Variants in SSH2 observed in about 807,000 individuals in gnomAD.
SSH2 encodes the protein protein phosphatase Slingshot homolog 2.
In SSH2, 37 loss-of-function variants were observed where a neutral mutation model predicts 135.2. The observed-to-expected ratio is 0.27, with a 90% CI of 0.21 to 0.36. The LOEUF is 0.36. Among genes scored for constraint, SSH2 ranks in the 10% least tolerant of loss-of-function variants. The pLI, the probability that SSH2 is intolerant of heterozygous loss-of-function variation, is 1.00. For missense variants in SSH2, 1,408 were observed against 1,765.3 expected (o/e 0.80, Z 3.63); for synonymous variants, 628 against 646.2 (o/e 0.97, Z 0.43).
chr17:29,713,539 G>A (rs141059639), intron 3 of SSH2, among the ~76,000 whole-genome samples: 1 of 152,180 alleles, frequency 6.6e-6, no homozygotes, highest in Admixed American at 6.5e-5. Context: ...AGGGCCTTTA[G>A]GGAGTCTAAG....
At chr17:29,750,964 T>C (rs1306956216) in intron 3 of SSH2, among the ~76,000 whole-genome samples, 1 of 152,112 alleles carries the variant, frequency 6.6e-6, no homozygotes, top group South Asian at 2.1e-4. Flanking sequence ...ATCAAGATCA[T>C]TGTTTTCCAT....
chr17:29,718,422 A>G (rs2039701386), intron 3 of SSH2, among the ~76,000 whole-genome samples: 1 of 152,124 alleles, frequency 6.6e-6, no homozygotes, highest in Non-Finnish European at 1.5e-5. Flanking sequence ...CTAAAACTTA[A>G]AAGCCTAAAA....
At chr17:29,649,550 C>T (rs1179087628) in intron 13 of SSH2, among the ~76,000 whole-genome samples, 1 of 151,940 alleles carries the variant, frequency 6.6e-6, no homozygotes, top group African/African-American at 2.4e-5. Context: ...CTGTGACCGG[C>T]TAATTAAAAA....
intron 15 of SSH2, 79 bp from the exon 16 acceptor site, chr17:29,633,010 T>C (rs2150963298): frequency 7.7e-7 from 1 of 1,303,856 alleles, no homozygotes; most frequent in Non-Finnish European, 1.1e-6. Context: ...TTATTAATCC[T>C]CTGATCCAGG....
intron 3 of SSH2, among the ~76,000 whole-genome samples, chr17:29,744,300 G>A (rs949087129): frequency 1.8e-4 from 27 of 152,266 alleles, no homozygotes; most frequent in Non-Finnish European, 3.5e-4. Context: ...GAGTCCTGCC[G>A]ATGCCCAAGA....
rs1293391225 is a variant in SSH2, at chr17:29,930,167, T to C, written c.-167A>G. ...GCAGACTCCGCACCCACCACCAGAC[T>C]GTCGCCGACTGACGCTCCGAACGGG... On this transcript the variant is annotated 5_prime_UTR_variant, in exon 1 of 16. Transcript: ENST00000540801. 1 of 613,030 alleles carries C rather than the reference T, an allele frequency of 1.6e-6. No individual in the cohort carries two copies. Among genetic ancestry groups the C allele is most frequent in the African/African-American group, 1.9e-5 (1 of 52,828 alleles). The allele number at this position is 613,030 out of a possible 1,614,324, so 38.0% of individuals were successfully genotyped here.
At chr17:29,817,341 CTTT>C (rs1015007279) in intron 2 of SSH2, among the ~76,000 whole-genome samples, 2 of 152,168 alleles carry the variant, frequency 1.3e-5, no homozygotes, top group African/African-American at 4.8e-5. Flanking sequence ...TCTTGGACTT[CTTT>C]GTTTTTATCT....
intron 3 of SSH2, among the ~76,000 whole-genome samples, chr17:29,784,891 C>G (rs1223457880): frequency 1.3e-5 from 2 of 152,186 alleles, no homozygotes; most frequent in African/African-American, 4.8e-5. Context: ...TGACTCAGCT[C>G]TGGCCCACAT....
intron 3 of SSH2, among the ~76,000 whole-genome samples, chr17:29,791,056 T>C (rs1453418419): frequency 6.6e-6 from 1 of 151,856 alleles, no homozygotes; most frequent in Non-Finnish European, 1.5e-5. Flanking sequence ...ACTTTGTCAA[T>C]AAATGGCATT....
intron 1 of SSH2, among the ~76,000 whole-genome samples, chr17:29,872,039 C>T (rs550790248): frequency 6.6e-6 from 1 of 152,086 alleles, no homozygotes; most frequent in Non-Finnish European, 1.5e-5. Context: ...TTTAATAAGC[C>T]TGATTGATTT....
intron 14 of SSH2, chr17:29,643,362 G>A (rs935117218): frequency 3.3e-5 from 25 of 767,314 alleles, no homozygotes; most frequent in Non-Finnish European, 3.8e-5. Flanking sequence ...CTGTCCCATG[G>A]GTTCAGGAAA....
At chr17:29,778,666 A>T (rs1202935433) in intron 3 of SSH2, among the ~76,000 whole-genome samples, 1 of 148,716 alleles carries the variant, frequency 6.7e-6, no homozygotes, top group African/African-American at 2.5e-5. Flanking sequence ...AAATAAAAAT[A>T]AATAAATAAA....
chr17:29,872,358 T>A (rs1247517433), intron 1 of SSH2, among the ~76,000 whole-genome samples: 1 of 152,200 alleles, frequency 6.6e-6, no homozygotes, highest in Non-Finnish European at 1.5e-5. Context: ...TGTATATCCC[T>A]ATTCCTAGAG....
At chr17:29,756,458 C>A (rs1041366901) in intron 3 of SSH2, among the ~76,000 whole-genome samples, 2 of 150,716 alleles carry the variant, frequency 1.3e-5, no homozygotes, top group African/African-American at 4.9e-5. Context: ...GCCTATCTGT[C>A]TATCTATCCA....
intron 6 of SSH2, among the ~76,000 whole-genome samples, chr17:29,679,073 G>A (rs2037853993): frequency 6.6e-6 from 1 of 152,098 alleles, no homozygotes; most frequent in Non-Finnish European, 1.5e-5. Context: ...AATGGAAGAG[G>A]TTCGTACAGA....
intron 3 of SSH2, among the ~76,000 whole-genome samples, chr17:29,713,140 C>G (rs1013159271): frequency 6.6e-6 from 1 of 152,032 alleles, no homozygotes; most frequent in Non-Finnish European, 1.5e-5. Context: ...TCGAGACTAT[C>G]CTGGCTAAAA....
At chr17:29,850,016 C>G (rs2065525355) in intron 1 of SSH2, among the ~76,000 whole-genome samples, 4 of 110,152 alleles carry the variant, frequency 3.6e-5, no homozygotes, top group African/African-American at 1.1e-4. Flanking sequence ...GGTGACAGTG[C>G]AAGACTCCAT....
intron 2 of SSH2, among the ~76,000 whole-genome samples, chr17:29,841,892 A>ATTTTTTTTTTTTT (rs770836134): frequency 8.0e-5 from 8 of 99,640 alleles, no homozygotes; most frequent in African/African-American, 3.1e-4. Context: ...CCCTTGGCTA[A>ATTTTTTTTTTTTT]TTTTTTTTTT....
intron 2 of SSH2, among the ~76,000 whole-genome samples, chr17:29,819,187 T>C (rs1599043187): frequency 6.6e-6 from 1 of 151,768 alleles, no homozygotes; most frequent in African/African-American, 2.4e-5. Flanking sequence ...GATCGCGCCA[T>C]TGAAAAAAAA....
Sources: gnomAD v4.1 joint callset for allele counts (sites outside exome capture counted in the v4.1 genomes callset) on GRCh38, gnomAD v4.1.1 for gene constraint, MANE v1.5 for transcripts, NCBI Gene and HGNC (gene_info 2026-07-23, HGNC 2026-07-21) for gene names.